The following KIF1A variants were observed in gnomAD, a reference collection of about 807,000 sequenced individuals.
KIF1A encodes kinesin-like protein KIF1A.
A neutral mutation model predicts 227.3 loss-of-function variants in KIF1A; 46 were observed. The ratio of observed to expected loss-of-function variants is 0.20; its 90% CI spans 0.16 to 0.26. The LOEUF is 0.26. KIF1A is among the 10% of genes least tolerant of loss of function. KIF1A has a pLI of 1.00. For synonymous variants in KIF1A, 1,022 were observed against 1,012.8 expected, an observed-to-expected ratio of 1.01 and a Z score of -0.17; for missense variants, 1,683 against 2,485.9, an observed-to-expected ratio of 0.68 and a Z score of 6.87.
chr2:240,774,402 C>CA lies in KIF1A; in HGVS notation c.959-142dup, dbSNP rs1553635731. On this transcript the variant is annotated intron_variant, in intron 11 of 48. Coordinates refer to ENST00000498729, the MANE Select transcript of KIF1A (RefSeq NM_001244008.2). ...TGAGTCACAGGCTTACCCCCCCCCCCACCCCCACCCCATGAACACAGACAA... is the reference window on the plus strand; with the variant it reads ...TGAGTCACAGGCTTACCCCCCCCCCCAACCCCCACCCCATGAACACAGACAA... 722 of 393,586 alleles carry CA rather than the reference C, an allele frequency of 1.8e-3. 3 individuals carry two copies. The highest frequency in any genetic ancestry group is 0.012 in the South Asian group (292 of 25,052). 24.4% of individuals were successfully genotyped at this position (393,586 alleles called of 1,614,324 possible).
At chr2:240,749,499 G>A (rs1331616648) in intron 28 of KIF1A, among the ~76,000 whole-genome samples, 3 of 152,200 alleles carry the variant, frequency 2.0e-5, no homozygotes, top group Non-Finnish European at 4.4e-5. Flanking sequence ...AGGGTGCCCA[G>A]GCAGCCAAGG....
intron 1 of KIF1A, among the ~76,000 whole-genome samples, chr2:240,800,105 G>GACACACACACACACAC (rs3220094): frequency 5.6e-5 from 8 of 143,066 alleles, no homozygotes; most frequent in Middle Eastern, 3.6e-3. Flanking sequence ...GTCCAAAGCA[G>GACACACACACACACAC]ACACACACAC....
intron 38 of KIF1A, among the ~76,000 whole-genome samples, chr2:240,733,123 C>T (rs927353613): frequency 6.6e-6 from 1 of 151,912 alleles, no homozygotes; most frequent in African/African-American, 2.4e-5. Flanking sequence ...CCTTTAATCC[C>T]ACAGGATGTG....
At chr2:240,768,791 G>C (rs1439124095) in intron 17 of KIF1A, among the ~76,000 whole-genome samples, 2 of 152,170 alleles carry the variant, frequency 1.3e-5, no homozygotes, top group East Asian at 3.9e-4. Context: ...AGCAGCCCAG[G>C]CTCCAGGGCA....
intron 2 of KIF1A, among the ~76,000 whole-genome samples, chr2:240,791,539 C>A (rs1043156576): frequency 5.4e-4 from 60 of 111,068 alleles, no homozygotes; most frequent in Non-Finnish European, 4.8e-4. Context: ...CCTCGCCTCA[C>A]CCCGCTGCAC....
intron 10 of KIF1A, among the ~76,000 whole-genome samples, chr2:240,776,273 C>A (rs1014732582): frequency 2.6e-5 from 4 of 152,224 alleles, no homozygotes; most frequent in African/African-American, 9.6e-5. Context: ...CTGAAGGACT[C>A]ATCTGAGTCC....
chr2:240,781,463 CCACACACACACACACA>C (rs34158686), intron 10 of KIF1A, among the ~76,000 whole-genome samples: 3 of 28,598 alleles, frequency 1.0e-4, no homozygotes, highest in East Asian at 1.5e-3. Flanking sequence ...ACACACAGCT[CCACACACACACACACA>C]CACACACAGC....
chr2:240,732,620 G>A (rs1419113946), intron 38 of KIF1A, among the ~76,000 whole-genome samples: 1 of 124,382 alleles, frequency 8.0e-6, no homozygotes, highest in Non-Finnish European at 1.7e-5. Context: ...GAATGAGGGA[G>A]GGATGAGGAG....
Position 240,763,172 on chromosome 2 carries a change from T to C in KIF1A, c.1943A>G (p.Glu648Gly), listed in dbSNP as rs749169628. The stretch of plus-strand genomic sequence containing the variant: ...GGGGTGGCCTCCGCCTCACCTCTGC[T>C]CCATCTCCTGCTTCATGTCGATGCC... ...KQGIDMKQEMEQRLQELEDQY... is the reference protein window; with the variant it reads ...KQGIDMKQEMGQRLQELEDQY... The change falls in exon 21 of 49, where the codon GAG becomes GGG. Residue 648 changes from glutamate (E) to glycine (G), a missense_variant. This residue lies in a region of KIF1A where 217 missense variants were observed against 427.0 expected (regional missense o/e 0.51). Transcript: ENST00000498729. 3 of 1,610,682 alleles carry C rather than the reference T, an allele frequency of 1.9e-6. No homozygotes were observed. Among genetic ancestry groups the C allele is most frequent in the African/African-American group, 2.7e-5 (2 of 74,940 alleles).
Position 240,788,282 on chromosome 2 carries a change from T to C in KIF1A, c.184-52A>G. ...GCAGGAGGCTGGGTGCATCCGAGGC[T>C]CAGCCCATCATGTCTGCGGAGCCAG... On this transcript the variant is annotated intron_variant, in intron 3 of 48. Transcript: ENST00000498729. This position sits in a 1 kb window ranked among gnomAD's most constrained non-coding sequence, Gnocchi z 6.6. 1 of 1,562,980 alleles carries C rather than the reference T, an allele frequency of 6.4e-7. No individual in the cohort carries two copies. The highest frequency in any genetic ancestry group is 8.8e-7 in the Non-Finnish European group (1 of 1,138,782).
At chr2:240,718,211 G>A (rs760458584) in intron 47 of KIF1A, 43 bp from the exon 48 acceptor site, 64 of 1,339,422 alleles carry the variant, frequency 4.8e-5, no homozygotes, top group Non-Finnish European at 6.6e-5. Context: ...AGGCTCCGTG[G>A]TCAGCACACC....
At chr2:240,819,704 T>C (rs2106395931) in intron 1 of KIF1A, among the ~76,000 whole-genome samples, 1 of 150,518 alleles carries the variant, frequency 6.6e-6, no homozygotes, top group Admixed American at 6.6e-5. Flanking sequence ...CCCCGCCGTC[T>C]GGGCGCAGCC....
chr2:240,753,213 C>T lies in KIF1A; in HGVS notation c.2859-2666G>A, dbSNP rs1182221107. Among the ~76,000 whole-genome samples the T allele has an allele frequency of 2.6e-5, 4 of 152,224 alleles. No homozygotes were observed. In the East Asian group the frequency reaches 5.8e-4, roughly 22 times the overall value. On this transcript the variant is annotated intron_variant, in intron 27 of 48. Coordinates refer to ENST00000498729, the MANE Select transcript of KIF1A (RefSeq NM_001244008.2). ...CACTCTTAGCTCTCAGGGTCTCACACTGATCCCCTCCTCACTCTCCCCCAC... is the reference window on the plus strand; with the variant it reads ...CACTCTTAGCTCTCAGGGTCTCACATTGATCCCCTCCTCACTCTCCCCCAC...
In KIF1A at chr2:240,740,073, G is replaced by C. The variant is rs201684653; in HGVS notation, c.3886C>G (p.Arg1296Gly). 5.9e-5 allele frequency: 94 copies of C among 1,586,764 alleles called. No homozygotes were observed. Among genetic ancestry groups the C allele is most frequent in the Non-Finnish European group, 7.5e-5 (87 of 1,166,908 alleles). Residue 1296 changes from arginine to glycine, a missense_variant, in exon 37 of 49, where the codon CGC (arginine) becomes GGC (glycine). By Grantham distance (125) the Arg-to-Gly change is moderately radical (BLOSUM62 -2). Around this residue, in one of 12 missense-constraint regions of KIF1A, gnomAD observed 759 missense variants for 1,020.2 expected, o/e 0.74. Transcript: ENST00000498729. This position sits in a 1 kb window ranked among gnomAD's most constrained non-coding sequence, Gnocchi z 6.1. Reference sequence around the variant, plus strand: ...CCGCACTCACCCACGACCAGCTCGCGCACTTCCTTCCAGCGGATATGGCTG... The same window carrying C: ...CCGCACTCACCCACGACCAGCTCGCCCACTTCCTTCCAGCGGATATGGCTG... ...TGSHIRWKEVRELVVGRIRNT... is the reference protein window; with the variant it reads ...TGSHIRWKEVGELVVGRIRNT...
rs1300975573 is a variant in KIF1A at position 240,792,928 on chromosome 2, T to C, written c.107-3616A>G. On this transcript the variant is annotated intron_variant, in intron 2 of 48. Coordinates refer to ENST00000498729, the MANE Select transcript of KIF1A (RefSeq NM_001244008.2). The surrounding 1 kb of genome is among the most constrained non-coding windows in gnomAD (Gnocchi z 4.5). ...CGATCTAGACCTGTGGGCATCTTGA[T>C]TGGACTTCCGCCTCCAGACTGCGGA... 1.3e-5 allele frequency among the ~76,000 whole-genome samples: 2 copies of C among 152,136 alleles called. No homozygotes were observed. Among genetic ancestry groups the C allele is most frequent in the African/African-American group, 2.4e-5 (1 of 41,430 alleles).
chr2:240,795,964 C>T (rs2056343422), intron 2 of KIF1A, among the ~76,000 whole-genome samples: 1 of 152,198 alleles, frequency 6.6e-6, no homozygotes, highest in Non-Finnish European at 1.5e-5. Context: ...TTCCCCATGA[C>T]CCCACATGCA....
intron 1 of KIF1A, among the ~76,000 whole-genome samples, chr2:240,817,472 C>A (rs1282232378): frequency 6.6e-6 from 1 of 152,216 alleles, no homozygotes; most frequent in Non-Finnish European, 1.5e-5. Flanking sequence ...TCACAGCCAC[C>A]CAGAGACCCA....
At chr2:240,731,233 A>G (rs527597898) in intron 38 of KIF1A, among the ~76,000 whole-genome samples, 94 of 152,148 alleles carry the variant, frequency 6.2e-4, no homozygotes, top group African/African-American at 2.1e-3. Flanking sequence ...GGACTTAGAC[A>G]TAGGGGCTAG....
In KIF1A at chr2:240,726,661, A is replaced by G. The variant is rs1245228076; in HGVS notation, c.4122+165T>C. On this transcript the variant is annotated intron_variant, in intron 39 of 48. Coordinates refer to ENST00000498729, the MANE Select transcript of KIF1A (RefSeq NM_001244008.2). This position sits in a 1 kb window ranked among gnomAD's most constrained non-coding sequence, Gnocchi z 5.2. The stretch of plus-strand genomic sequence containing the variant: ...TATGGATTTATGGATTCAACCTTGC[A>G]GTCCAGTTTTTGTTTTTGTTTTTTA... Among the ~76,000 whole-genome samples the G allele has an allele frequency of 6.6e-6, 1 of 152,116 alleles. No homozygotes were observed. The highest frequency in any genetic ancestry group is 2.4e-5 in the African/African-American group (1 of 41,424).
Sources: allele counts gnomAD v4.1 joint callset (sites outside exome capture counted in the v4.1 genomes callset), GRCh38; gene constraint gnomAD v4.1.1; regional missense constraint gnomAD v4.1.1; non-coding constraint Gnocchi (gnomAD v3.1); transcripts MANE v1.5; gene names NCBI Gene and HGNC (gene_info 2026-07-23, HGNC 2026-07-21).